Variants in MRPL13 observed in about 807,000 individuals in gnomAD.
MRPL13 encodes the protein mitochondrial ribosomal protein L13.
Under a neutral mutation model 29.0 loss-of-function variants are expected in MRPL13, and 33 were observed. The observed-to-expected ratio is 1.14, with a 90% CI of 0.86 to 1.52. MRPL13 has a LOEUF of 1.52. MRPL13 is among the 40% of genes most tolerant of loss of function. The pLI is 0.00. For missense variants in MRPL13, 227 were observed against 216.7 expected (o/e 1.05, Z -0.30); for synonymous variants, 77 against 68.4 (o/e 1.13, Z -0.62).
intron 5 of MRPL13, among the ~76,000 whole-genome samples, chr8:120,417,591 T>C (rs1212819523): frequency 2.6e-5 from 4 of 152,160 alleles, no homozygotes; most frequent in Non-Finnish European, 4.4e-5. Context: ...TCTTATTCAG[T>C]GTAATCCCTT....
In MRPL13 at chr8:120,432,995, A is replaced by G. The variant is rs1456607674; in HGVS notation, c.152-872T>C. On this transcript the variant is annotated intron_variant, in intron 2 of 6. Coordinates refer to ENST00000306185, the MANE Select transcript of MRPL13 (RefSeq NM_014078.6). ...AATATATATGAAAACTAAAGATTATAAGATTCTATGCAGAGCCCTAAATTT... is the reference window on the plus strand; with the variant it reads ...AATATATATGAAAACTAAAGATTATGAGATTCTATGCAGAGCCCTAAATTT... Among the ~76,000 whole-genome samples the G allele has an allele frequency of 6.6e-5, 10 of 152,206 alleles. No homozygotes were observed. The East Asian group carries it at 1.9e-3, about 29-fold the overall frequency.
At chr8:120,421,032 G>C (rs1563774233) in intron 4 of MRPL13, among the ~76,000 whole-genome samples, 1 of 151,842 alleles carries the variant, frequency 6.6e-6, no homozygotes, top group Non-Finnish European at 1.5e-5. Context: ...ATGCAAAAAA[G>C]TAATTCTAGC....
intron 5 of MRPL13, among the ~76,000 whole-genome samples, chr8:120,417,027 C>T (rs568214309): frequency 4.3e-4 from 65 of 152,286 alleles, no homozygotes; most frequent in African/African-American, 1.3e-3. Flanking sequence ...AGTCTAGTCT[C>T]CTTTTATCGT....
chr8:120,399,274 C>T (rs1276684223), intron 6 of MRPL13, among the ~76,000 whole-genome samples: 2 of 152,132 alleles, frequency 1.3e-5, no homozygotes, highest in Admixed American at 6.5e-5. Context: ...GAAGAGAAAC[C>T]AGTCAGACTA....
intron 6 of MRPL13, among the ~76,000 whole-genome samples, chr8:120,398,872 A>G (rs569656890): frequency 6.6e-6 from 1 of 152,310 alleles, no homozygotes; most frequent in South Asian, 2.1e-4. Flanking sequence ...AAGTATTAAT[A>G]GCAGAATAGA....
At chr8:120,404,564 G>A (rs1382274634) in intron 6 of MRPL13, among the ~76,000 whole-genome samples, 1 of 152,130 alleles carries the variant, frequency 6.6e-6, no homozygotes, top group Non-Finnish European at 1.5e-5. Flanking sequence ...CTCTAGGATT[G>A]CCAGAAAGCT....
chr8:120,428,726 GA>G (rs1475671334), intron 3 of MRPL13, among the ~76,000 whole-genome samples: 2 of 152,018 alleles, frequency 1.3e-5, no homozygotes, highest in Non-Finnish European at 2.9e-5. Context: ...CAACAATCAT[GA>G]AAAAAAGCTC....
intron 3 of MRPL13, among the ~76,000 whole-genome samples, chr8:120,431,479 G>A (rs1812995172): frequency 6.6e-6 from 1 of 152,184 alleles, no homozygotes. Flanking sequence ...AAAGACTTAG[G>A]AGTTTTAGCT....
intron 2 of MRPL13, among the ~76,000 whole-genome samples, chr8:120,434,081 G>A (rs1447381100): frequency 6.6e-6 from 1 of 151,858 alleles, no homozygotes; most frequent in African/African-American, 2.4e-5. Flanking sequence ...CAATTAAATG[G>A]CCAAATAAAT....
chr8:120,428,892 T>C (rs1812964348), intron 3 of MRPL13, among the ~76,000 whole-genome samples: 1 of 151,880 alleles, frequency 6.6e-6, no homozygotes, highest in Non-Finnish European at 1.5e-5. Context: ...GTGGGAATTT[T>C]ACACTGTTGG....
intron 6 of MRPL13, among the ~76,000 whole-genome samples, chr8:120,413,762 T>G (rs1294241477): frequency 6.6e-6 from 1 of 152,144 alleles, no homozygotes; most frequent in South Asian, 2.1e-4. Context: ...TTGATAATTA[T>G]AGGAACCTAT....
At chr8:120,438,308 T>G (rs1813078090) in intron 2 of MRPL13, among the ~76,000 whole-genome samples, 1 of 152,204 alleles carries the variant, frequency 6.6e-6, no homozygotes, top group South Asian at 2.1e-4. Context: ...TCCATTGCAC[T>G]GCAGCCTGGA....
intron 1 of MRPL13, 40 bp downstream of exon 1, chr8:120,445,028 G>A (rs758631733): frequency 1.3e-5 from 21 of 1,613,616 alleles, no homozygotes; most frequent in Admixed American, 1.7e-5. Context: ...CCTTCTGCCA[G>A]TATAATGAAC....
At chr8:120,405,606 A>AAGGT (rs1162013414) in intron 6 of MRPL13, among the ~76,000 whole-genome samples, 1 of 152,196 alleles carries the variant, frequency 6.6e-6, no homozygotes, top group Non-Finnish European at 1.5e-5. Context: ...TATCTAACAG[A>AAGGT]AGGTAACACA....
chr8:120,428,786 C>T (rs1306205137), intron 3 of MRPL13, among the ~76,000 whole-genome samples: 3 of 152,082 alleles, frequency 2.0e-5, no homozygotes, highest in Admixed American at 6.6e-5. Flanking sequence ...CAATGAGATG[C>T]CATCTCACAC....
chr8:120,445,122 C>T lies in MRPL13; in HGVS notation c.-28G>A. ...TCCTCTACTAGCAGGACCGTACGTCCTTCTCCTAGTAGCCACGCCGGGTCA... is the reference window on the plus strand; with the variant it reads ...TCCTCTACTAGCAGGACCGTACGTCTTTCTCCTAGTAGCCACGCCGGGTCA... On this transcript the variant is annotated 5_prime_UTR_variant, in exon 1 of 7. Transcript: ENST00000306185. The T allele has an allele frequency of 6.2e-7, 1 of 1,613,918 alleles. No individual in the cohort carries two copies. Among genetic ancestry groups the T allele is most frequent in the Non-Finnish European group, 8.5e-7 (1 of 1,179,916 alleles).
chr8:120,436,434 T>C (rs1021346173), intron 2 of MRPL13, among the ~76,000 whole-genome samples: 3 of 152,210 alleles, frequency 2.0e-5, no homozygotes, highest in Non-Finnish European at 4.4e-5. Flanking sequence ...GCTACTTATA[T>C]TGAACATCTT....
chr8:120,411,574 T>C (rs1812739889), intron 6 of MRPL13, among the ~76,000 whole-genome samples: 1 of 152,240 alleles, frequency 6.6e-6, no homozygotes, highest in Non-Finnish European at 1.5e-5. Context: ...ATTAAATGAC[T>C]AGTACACCTA....
intron 4 of MRPL13, among the ~76,000 whole-genome samples, chr8:120,424,662 AG>A (rs1812912167): frequency 6.6e-6 from 1 of 152,048 alleles, no homozygotes; most frequent in Non-Finnish European, 1.5e-5. Flanking sequence ...GCTGCTTGAG[AG>A]GCTGAGGTGG....
Sources: gnomAD v4.1 joint callset for allele counts (sites outside exome capture counted in the v4.1 genomes callset) on GRCh38, gnomAD v4.1.1 for gene constraint, MANE v1.5 for transcripts, NCBI Gene and HGNC (gene_info 2026-07-23, HGNC 2026-07-21) for gene names.